SCAMP2: variants seen among roughly 807,000 people sequenced by gnomAD.
SCAMP2 encodes secretory carrier-associated membrane protein 2.
In SCAMP2, 25 loss-of-function variants were observed where a neutral mutation model predicts 44.1. The observed-to-expected ratio is 0.57, with a 90% CI of 0.41 to 0.79. SCAMP2 has a LOEUF of 0.79. Among genes scored for constraint, SCAMP2 ranks in the 30% least tolerant of loss-of-function variants. The pLI is 0.00. For missense variants in SCAMP2, 355 were observed against 411.0 expected (o/e 0.86, Z 1.18); for synonymous variants, 156 against 166.0 (o/e 0.94, Z 0.46).
At position 74,845,033 on chromosome 15, in the gene SCAMP2, G is replaced by C. The variant is rs750475688; in HGVS notation, c.*50C>G. On this transcript the variant is annotated 3_prime_UTR_variant, in exon 9 of 9. Transcript: ENST00000268099. ...ACATAAGGCACCCACGGAAAGTGCAGCTCAGAAGGCAGGCGAGAGAAAGGC... is the reference window on the plus strand; with the variant it reads ...ACATAAGGCACCCACGGAAAGTGCACCTCAGAAGGCAGGCGAGAGAAAGGC... 3 of 1,588,736 alleles carry C rather than the reference G, an allele frequency of 1.9e-6. No individual in the cohort carries two copies. Among genetic ancestry groups the C allele is most frequent in the African/African-American group, 2.7e-5 (2 of 74,482 alleles).
intron 1 of SCAMP2, among the ~76,000 whole-genome samples, chr15:74,872,690 G>A (rs1481131537): frequency 6.6e-6 from 1 of 152,106 alleles, no homozygotes; most frequent in African/African-American, 2.4e-5. Context: ...AAATCTCAGG[G>A]GCTCTCCTGT....
Position 74,853,971 on chromosome 15 carries a change from G to A in SCAMP2, c.225+50C>T, listed in dbSNP as rs753420364. ...GCCTCAGGGCTCAGCTACTGGTCTG[G>A]ATGATTCCCTCACTGGAGAGAAAAG... is the stretch of plus-strand genomic sequence containing the variant. On this transcript the variant is annotated intron_variant, in intron 3 of 8. Coordinates refer to ENST00000268099, the MANE Select transcript of SCAMP2 (RefSeq NM_005697.5). The A allele has an allele frequency of 1.0e-5, 15 of 1,502,144 alleles. No homozygotes were observed. The South Asian group carries it at 1.0e-4, about 10-fold the overall frequency. 93.1% of individuals were successfully genotyped at this position (1,502,144 alleles called of 1,614,324 possible).
chr15:74,854,153 G>C, intron 2 of SCAMP2, 34 bp from the exon 3 acceptor site: 3 of 1,557,302 alleles, frequency 1.9e-6, no homozygotes, highest in African/African-American at 1.4e-5. Flanking sequence ...AGAATTGAGT[G>C]GGACTCCATT....
chr15:74,859,777 C>T (rs890558404), intron 1 of SCAMP2, among the ~76,000 whole-genome samples: 2 of 151,978 alleles, frequency 1.3e-5, no homozygotes, highest in African/African-American at 2.4e-5. Flanking sequence ...CCACCACGCC[C>T]GGCTAATTGA....
chr15:74,843,998 T>C lies in SCAMP2; in HGVS notation c.*1085A>G, dbSNP rs113212382. On this transcript the variant is annotated 3_prime_UTR_variant, in exon 9 of 9. Coordinates refer to ENST00000268099, the MANE Select transcript of SCAMP2 (RefSeq NM_005697.5). ...TGGACTCCTACGTGTCCCATCACAG[T>C]GACACACCCCCCAGGGTGTGAACCA... 0.023 allele frequency: 3,528 copies of C among 152,022 alleles called. 48 individuals are homozygous for C. Among genetic ancestry groups the C allele is most frequent in the Middle Eastern group, 0.044 (13 of 296 alleles). The allele number at this position is 152,022 out of a possible 1,614,324, so 9.4% of individuals were successfully genotyped here. A position where few individuals can be genotyped will look rare whatever the true frequency, so the allele number is the denominator to read the frequency against.
intron 1 of SCAMP2, among the ~76,000 whole-genome samples, chr15:74,863,710 TA>T (rs1412988187): frequency 2.0e-5 from 3 of 152,142 alleles, no homozygotes; most frequent in African/African-American, 7.2e-5. Flanking sequence ...CACCTCTGTG[TA>T]GTCTCTCCAT....
At chr15:74,861,780 A>C (rs1252636466) in intron 1 of SCAMP2, among the ~76,000 whole-genome samples, 1 of 151,660 alleles carries the variant, frequency 6.6e-6, no homozygotes, top group Non-Finnish European at 1.5e-5. Context: ...GGGCGCCTGT[A>C]GTCCCAGCTA....
chr15:74,854,526 C>T (rs2064455587), intron 2 of SCAMP2, 55 bp downstream of exon 2: 3 of 1,455,852 alleles, frequency 2.1e-6, no homozygotes, highest in African/African-American at 2.8e-5. Flanking sequence ...GCCCCGGACA[C>T]CCCAGCACCA....
intron 1 of SCAMP2, among the ~76,000 whole-genome samples, chr15:74,859,429 C>T (rs999496488): frequency 1.4e-4 from 22 of 152,184 alleles, no homozygotes; most frequent in African/African-American, 5.3e-4. Flanking sequence ...GGGGAGACAC[C>T]TCGGTGGGCT....
chr15:74,844,775 T>G lies in SCAMP2; in HGVS notation c.*308A>C. 1 of 274,242 alleles carries G rather than the reference T, an allele frequency of 3.6e-6. No individual in the cohort carries two copies. Among genetic ancestry groups the G allele is most frequent in the Non-Finnish European group, 7.1e-6 (1 of 141,782 alleles). 17.0% of individuals were successfully genotyped at this position (274,242 alleles called of 1,614,324 possible). A position where few individuals can be genotyped will look rare whatever the true frequency, so the allele number is the denominator to read the frequency against. On this transcript the variant is annotated 3_prime_UTR_variant, in exon 9 of 9. Coordinates refer to ENST00000268099, the MANE Select transcript of SCAMP2 (RefSeq NM_005697.5). ...AGGTCAGCCTGTGATCCCAACTGTG[T>G]GGGGGTGTCTGTGTGTGCACAGGAC...
intron 7 of SCAMP2, among the ~76,000 whole-genome samples, chr15:74,846,065 T>C (rs995966622): frequency 4.6e-5 from 7 of 151,834 alleles, no homozygotes; most frequent in Non-Finnish European, 8.8e-5. Context: ...GGCAGATCAC[T>C]TGAGGTCAGG....
At chr15:74,862,481 C>A (rs2064513447) in intron 1 of SCAMP2, among the ~76,000 whole-genome samples, 1 of 151,242 alleles carries the variant, frequency 6.6e-6, no homozygotes, top group Non-Finnish European at 1.5e-5. Context: ...GAGGCTGAGG[C>A]AGGAAAACTG....
intron 1 of SCAMP2, among the ~76,000 whole-genome samples, chr15:74,855,754 AG>A (rs982966704): frequency 6.6e-6 from 1 of 151,498 alleles, no homozygotes; most frequent in African/African-American, 2.4e-5. Flanking sequence ...CTAAGTTTCT[AG>A]AACAAAAACA....
chr15:74,850,912 G>A (rs1032639734), intron 5 of SCAMP2, among the ~76,000 whole-genome samples: 1 of 152,216 alleles, frequency 6.6e-6, no homozygotes, highest in Non-Finnish European at 1.5e-5. Context: ...TCTGAGGGGT[G>A]TGGAGGGAGG....
At chr15:74,853,966 G>T in intron 3 of SCAMP2, 55 bp downstream of exon 3, 2 of 1,466,636 alleles carry the variant, frequency 1.4e-6, no homozygotes, top group South Asian at 1.1e-5. Context: ...TCAGCTACTG[G>T]TCTGGATGAT....
At chr15:74,864,784 G>A (rs538925823) in intron 1 of SCAMP2, among the ~76,000 whole-genome samples, 1 of 152,224 alleles carries the variant, frequency 6.6e-6, no homozygotes, top group South Asian at 2.1e-4. Flanking sequence ...GCAGGAAAGG[G>A]AAGGGAAAGA....
chr15:74,853,357 A>G, intron 3 of SCAMP2: 1 of 455,774 alleles, frequency 2.2e-6, no homozygotes, highest in South Asian at 1.5e-5. Flanking sequence ...GCTCATCTAC[A>G]TTAGGCCTAC....
chr15:74,853,985 TG>T lies in SCAMP2; in HGVS notation c.225+35del, dbSNP rs773797855. 25 of 1,550,174 alleles carry T rather than the reference TG, an allele frequency of 1.6e-5. No homozygotes were observed. The Admixed American group carries it at 3.3e-4, about 21-fold the overall frequency. On this transcript the variant is annotated intron_variant, in intron 3 of 8. Coordinates refer to ENST00000268099, the MANE Select transcript of SCAMP2 (RefSeq NM_005697.5). ...CTACTGGTCTGGATGATTCCCTCAC[TG>T]GAGAGAAAAGGCCAGAGTTCTTTGT... is the stretch of plus-strand genomic sequence containing the variant.
At position 74,854,974 on chromosome 15, in the gene SCAMP2, GT is replaced by G. The variant is rs1205211475; in HGVS notation, c.58-326del. 1.8e-3 allele frequency among the ~76,000 whole-genome samples: 242 copies of G among 138,086 alleles called. 1 individual carries two copies. The highest frequency in any genetic ancestry group is 5.6e-3 in the South Asian group (24 of 4,322). The allele number at this position is 138,086 out of a possible 152,430, so 90.6% of individuals were successfully genotyped here. A position where few individuals can be genotyped will look rare whatever the true frequency, so the allele number is the denominator to read the frequency against. ...CATAGTATTTACCTCTAGGGAGTGG[GT>G]TTTTTTTTTTTTTTGAGGGGTGGGG... On this transcript the variant is annotated intron_variant, in intron 1 of 8. Coordinates refer to ENST00000268099, the MANE Select transcript of SCAMP2 (RefSeq NM_005697.5).
Sources: gnomAD v4.1 joint callset for allele counts (sites outside exome capture counted in the v4.1 genomes callset) on GRCh38, gnomAD v4.1.1 for gene constraint, MANE v1.5 for transcripts, NCBI Gene and HGNC (gene_info 2026-07-23, HGNC 2026-07-21) for gene names.